NR1I2: variants seen among roughly 807,000 people sequenced by gnomAD.
The protein encoded by NR1I2 is nuclear receptor subfamily 1 group I member 2, also known as orphan nuclear receptor PAR1.
In NR1I2, 42 loss-of-function variants were observed where a neutral mutation model predicts 43.3. The observed-to-expected ratio is 0.97, with a 90% CI of 0.76 to 1.26. The LOEUF is 1.26. Among genes scored for constraint, NR1I2 ranks in the 50% most tolerant of loss-of-function variants. NR1I2 has a pLI of 0.00. For missense variants in NR1I2, 559 were observed against 566.7 expected (o/e 0.99, Z 0.14); for synonymous variants, 229 against 215.0 (o/e 1.06, Z -0.57).
At chr3:119,807,805 C>T (rs191559635) in intron 2 of NR1I2, among the ~76,000 whole-genome samples, 5,441 of 152,202 alleles carry the variant, frequency 0.036, 330 homozygotes, top group African/African-American at 0.12. Flanking sequence ...AAAATAAATG[C>T]TTAGACCATG....
rs2055260585 is a variant in NR1I2 at position 119,812,669 on chromosome 3, C to T, written c.520-17C>T. The T allele has an allele frequency of 6.2e-7, 1 of 1,613,384 alleles. No homozygotes were observed. The highest frequency in any genetic ancestry group is 8.5e-7 in the Non-Finnish European group (1 of 1,179,942). On this transcript the variant is annotated splice_polypyrimidine_tract_variant and intron_variant, in intron 4 of 8. Coordinates refer to ENST00000393716, the MANE Select transcript of NR1I2 (RefSeq NM_003889.4). ...CATGCTGTCTCTCCTCTGTCCACCT[C>T]CTGGCATGTGTCCTAGCTGCCAGGG...
intron 1 of NR1I2, among the ~76,000 whole-genome samples, chr3:119,801,293 AG>A (rs2055076971): frequency 6.6e-6 from 1 of 152,252 alleles, no homozygotes; most frequent in African/African-American, 2.4e-5. Context: ...ACTTTCACTC[AG>A]TACAGGAGAT....
In NR1I2 at chr3:119,817,721, A is replaced by T; in HGVS notation, c.*509A>T. 1 of 1,055,702 alleles carries T rather than the reference A, an allele frequency of 9.5e-7. No homozygotes were observed. The highest frequency in any genetic ancestry group is 3.3e-5 in the South Asian group (1 of 29,922). 65.4% of individuals were successfully genotyped at this position (1,055,702 alleles called of 1,614,324 possible). On this transcript the variant is annotated 3_prime_UTR_variant, in exon 9 of 9. Coordinates refer to ENST00000393716, the MANE Select transcript of NR1I2 (RefSeq NM_003889.4). ...GCTGCTTTGTGGGCTCCAGGCCTGT[A>T]CTCATCGGCAGGCGCATGAGTATCT...
At chr3:119,790,861 G>T (rs1019807754) in intron 1 of NR1I2, among the ~76,000 whole-genome samples, 79 of 152,154 alleles carry the variant, frequency 5.2e-4, no homozygotes, top group African/African-American at 1.6e-3. Flanking sequence ...TTCCATTTCT[G>T]GCTCTGTCTG....
intron 3 of NR1I2, 160 bp downstream of exon 3, chr3:119,810,354 TG>T: frequency 2.6e-6 from 3 of 1,134,420 alleles, no homozygotes; most frequent in Admixed American, 2.6e-5. Flanking sequence ...GGCAGCCACC[TG>T]GGGGAGCGCT....
At chr3:119,812,230 G>C (rs2055253901) in intron 4 of NR1I2, among the ~76,000 whole-genome samples, 1 of 152,128 alleles carries the variant, frequency 6.6e-6, no homozygotes, top group African/African-American at 2.4e-5. Flanking sequence ...TGTGCTCTAA[G>C]TGCCCTCCTT....
At chr3:119,790,780 A>G (rs540761720) in intron 1 of NR1I2, among the ~76,000 whole-genome samples, 35 of 152,338 alleles carry the variant, frequency 2.3e-4, no homozygotes, top group African/African-American at 8.2e-4. Context: ...ACTTCTTGGA[A>G]GGCATGTTTA....
rs768585194 is a variant in NR1I2 at position 119,815,420 on chromosome 3, C to CATCT, written c.1036_1039dup (p.Ser347TyrfsTer33). On this transcript the variant is annotated frameshift_variant, in exon 7 of 9. Coordinates refer to ENST00000393716, the MANE Select transcript of NR1I2 (RefSeq NM_003889.4). LOFTEE classifies it high-confidence loss of function. ...AGGAGGAGTATGTGCTGATGCAGGC[C>CATCT]ATCTCCCTCTTCTCCCCAGGTGAGG... 2.5e-6 allele frequency: 4 copies of CATCT among 1,612,364 alleles called. No individual in the cohort carries two copies. In the East Asian group the frequency reaches 8.9e-5, roughly 36 times the overall value.
chr3:119,816,820 C>T (rs1178925261), intron 8 of NR1I2, among the ~76,000 whole-genome samples: 1 of 121,926 alleles, frequency 8.2e-6, no homozygotes, highest in Admixed American at 7.7e-5. Context: ...GATCCTGTCC[C>T]TTTAAAGAAA....
chr3:119,810,220 C>G, intron 3 of NR1I2, 26 bp downstream of exon 3: 2 of 1,571,836 alleles, frequency 1.3e-6, no homozygotes, highest in Non-Finnish European at 1.7e-6. Flanking sequence ...GCGGGCGGGC[C>G]GGCGCCGGGG....
At chr3:119,787,117 G>C (rs1024562245) in intron 1 of NR1I2, among the ~76,000 whole-genome samples, 6 of 151,872 alleles carry the variant, frequency 4.0e-5, no homozygotes, top group Admixed American at 3.9e-4. Flanking sequence ...GCGAAAACCC[G>C]TCTCTACTAA....
chr3:119,806,407 C>T (rs993266869), intron 1 of NR1I2, among the ~76,000 whole-genome samples: 2 of 152,162 alleles, frequency 1.3e-5, no homozygotes, highest in African/African-American at 4.8e-5. Context: ...CGCTCAGCTT[C>T]CCAAGTAGCT....
intron 5 of NR1I2, 63 bp downstream of exon 5, chr3:119,813,023 A>G: frequency 6.4e-7 from 1 of 1,562,358 alleles, no homozygotes; most frequent in Non-Finnish European, 8.7e-7. Flanking sequence ...GGAGGTTCAA[A>G]GGGCCTGGGG....
intron 1 of NR1I2, chr3:119,782,919 G>A (rs2054795804): frequency 2.3e-6 from 3 of 1,316,318 alleles, no homozygotes; most frequent in African/African-American, 1.4e-5. Flanking sequence ...GCCTGCATGT[G>A]GTCAGTGCCA....
chr3:119,804,217 A>T (rs2055120077), intron 1 of NR1I2, among the ~76,000 whole-genome samples: 1 of 150,310 alleles, frequency 6.7e-6, no homozygotes, highest in Non-Finnish European at 1.5e-5. Flanking sequence ...TAAAAAAAAT[A>T]CAAAAAAATT....
chr3:119,783,764 T>C (rs1410270505), intron 1 of NR1I2, among the ~76,000 whole-genome samples: 3 of 152,188 alleles, frequency 2.0e-5, no homozygotes, highest in African/African-American at 7.2e-5. Flanking sequence ...TAGTGTGATA[T>C]ATTTACTGCC....
chr3:119,816,952 G>A lies in NR1I2; in HGVS notation c.1161-116G>A. On this transcript the variant is annotated intron_variant, in intron 8 of 8. Coordinates refer to ENST00000393716, the MANE Select transcript of NR1I2 (RefSeq NM_003889.4). ...AGCTTACGGAATTCAGCCAAGCCTT[G>A]TCTCTTGGCTGACCTGAAATGTCCA... 3 of 1,370,330 alleles carry A rather than the reference G, an allele frequency of 2.2e-6. No individual in the cohort carries two copies. In the Admixed American group the frequency reaches 5.2e-5, roughly 24 times the overall value. The allele number at this position is 1,370,330 out of a possible 1,614,324, so 84.9% of individuals were successfully genotyped here.
intron 1 of NR1I2, among the ~76,000 whole-genome samples, chr3:119,799,817 TA>T (rs1315014778): frequency 6.6e-6 from 1 of 152,012 alleles, no homozygotes; most frequent in East Asian, 1.9e-4. Flanking sequence ...CCGTCTCTAC[TA>T]AAAATACAAA....
intron 1 of NR1I2, chr3:119,792,420 C>A: frequency 8.3e-7 from 1 of 1,210,014 alleles, no homozygotes; most frequent in Non-Finnish European, 1.2e-6. Flanking sequence ...AACTCACTGG[C>A]CACTGCAGGG....
Sources: allele counts gnomAD v4.1 joint callset (sites outside exome capture counted in the v4.1 genomes callset), GRCh38; gene constraint gnomAD v4.1.1; transcripts MANE v1.5; gene names NCBI Gene and HGNC (gene_info 2026-07-23, HGNC 2026-07-21).